The following CCDC7 variants were observed in gnomAD, a reference collection of about 807,000 sequenced individuals.
CCDC7 encodes the protein coiled-coil domain containing 7.
A neutral mutation model predicts 196.9 loss-of-function variants in CCDC7; 183 were observed. The observed-to-expected ratio is 0.93, with a 90% CI of 0.82 to 1.05. CCDC7 has a LOEUF of 1.05. CCDC7 is among the 50% of genes least tolerant of loss of function. CCDC7 has a pLI of 0.00. For missense variants in CCDC7, 1,540 were observed against 1,482.2 expected, an observed-to-expected ratio of 1.04 and a Z score of -0.64; for synonymous variants, 525 against 484.6, an observed-to-expected ratio of 1.08 and a Z score of -1.10.
chr10:32,511,909 A>G (rs2046281733), intron 9 of CCDC7: 1 of 599,146 alleles, frequency 1.7e-6, no homozygotes. Context: ...ATTTAAAAGT[A>G]TAGGATAAAA....
intron 28 of CCDC7, among the ~76,000 whole-genome samples, chr10:32,774,657 G>A (rs2134159783): frequency 6.6e-6 from 1 of 152,226 alleles, no homozygotes; most frequent in Admixed American, 6.5e-5. Flanking sequence ...TTTTCTAGGG[G>A]AAGTGATGCT....
chr10:32,793,070 C>A (rs1485905542), intron 29 of CCDC7, among the ~76,000 whole-genome samples: 1 of 152,094 alleles, frequency 6.6e-6, no homozygotes, highest in Non-Finnish European at 1.5e-5. Flanking sequence ...TAAAAATACA[C>A]CTTCTTCTTA....
At chr10:32,569,316 T>C (rs753873950) in intron 15 of CCDC7, among the ~76,000 whole-genome samples, 8 of 152,254 alleles carry the variant, frequency 5.3e-5, no homozygotes, top group Non-Finnish European at 1.0e-4. Flanking sequence ...GTTCTTATAG[T>C]AATTTAACTG....
At chr10:32,529,529 T>C (rs1005481114) in intron 11 of CCDC7, among the ~76,000 whole-genome samples, 1 of 152,222 alleles carries the variant, frequency 6.6e-6, no homozygotes, top group African/African-American at 2.4e-5. Flanking sequence ...ATTAGTGATG[T>C]TGAGCATTTT....
intron 41 of CCDC7, among the ~76,000 whole-genome samples, chr10:32,871,789 T>C (rs2136833124): frequency 6.6e-6 from 1 of 152,038 alleles, no homozygotes. Context: ...CCAGAGATTC[T>C]GGTATGTTGT....
At chr10:32,808,070 G>A (rs1272175798) in intron 30 of CCDC7, among the ~76,000 whole-genome samples, 1 of 152,068 alleles carries the variant, frequency 6.6e-6, no homozygotes, top group Non-Finnish European at 1.5e-5. Context: ...CCACACAGTT[G>A]GATGCACCCT....
intron 25 of CCDC7, 132 bp downstream of exon 26, chr10:32,711,862 A>G (rs2080896737): frequency 4.3e-6 from 2 of 461,888 alleles, no homozygotes; most frequent in South Asian, 4.4e-5. Flanking sequence ...ATACTCTAAC[A>G]TAACTCAAGA....
intron 24 of CCDC7, among the ~76,000 whole-genome samples, chr10:32,710,261 G>A (rs2080598772): frequency 6.6e-6 from 1 of 152,066 alleles, no homozygotes; most frequent in African/African-American, 2.4e-5. Flanking sequence ...AATCCCAAAG[G>A]GCTCTCCATT....
intron 29 of CCDC7, among the ~76,000 whole-genome samples, chr10:32,785,144 C>T (rs1268913971): frequency 6.6e-6 from 1 of 152,116 alleles, no homozygotes; most frequent in African/African-American, 2.4e-5. Flanking sequence ...TTATGAAGGA[C>T]ATAAATCCTT....
rs61625076 is a variant in CCDC7 at position 32,477,063 on chromosome 10, AT to A, written c.796+3050del. ...GAGCCAGAATAAAGTCAAACTTAAC[AT>A]TTTTTTTTTATTTCACGAATTGTGC... On this transcript the variant is annotated intron_variant, in intron 8 of 41. Coordinates refer to ENST00000639629, the Ensembl canonical transcript of CCDC7. 1.3e-3 allele frequency among the ~76,000 whole-genome samples: 196 copies of A among 150,130 alleles called. 1 individual carries two copies. The highest frequency in any genetic ancestry group is 4.5e-3 in the African/African-American group (185 of 41,044).
At chr10:32,872,912 T>C (rs908433822) in intron 41 of CCDC7, among the ~76,000 whole-genome samples, 1 of 152,204 alleles carries the variant, frequency 6.6e-6, no homozygotes, top group African/African-American at 2.4e-5. Flanking sequence ...AGATCGGCTG[T>C]TAGTCTGATG....
At chr10:32,831,946 T>A (rs1375898553) in intron 32 of CCDC7, among the ~76,000 whole-genome samples, 1 of 152,202 alleles carries the variant, frequency 6.6e-6, no homozygotes, top group East Asian at 1.9e-4. Flanking sequence ...TGTACATAAT[T>A]CTATGTGCTA....
chr10:32,806,357 C>T (rs2135195049), intron 30 of CCDC7, among the ~76,000 whole-genome samples: 1 of 152,042 alleles, frequency 6.6e-6, no homozygotes, highest in Non-Finnish European at 1.5e-5. Context: ...GAAAGTATGA[C>T]CCATACACAG....
intron 13 of CCDC7, among the ~76,000 whole-genome samples, chr10:32,564,817 T>G (rs1280523765): frequency 6.6e-6 from 1 of 151,814 alleles, no homozygotes; most frequent in Non-Finnish European, 1.5e-5. Context: ...AAAAAGAATC[T>G]ACCTACACTT....
Position 32,473,959 on chromosome 10 carries a change from T to A in CCDC7, c.740-8T>A. 3.1e-6 allele frequency: 5 copies of A among 1,604,082 alleles called. No homozygotes were observed. In the South Asian group the frequency reaches 4.5e-5, roughly 15 times the overall value. ...AAGTTTATAGTGACAAATACACTTTTACTTCAGAATTCTTAGAAGCCCACT... is the reference window on the plus strand; with the variant it reads ...AAGTTTATAGTGACAAATACACTTTAACTTCAGAATTCTTAGAAGCCCACT... On this transcript the variant is annotated splice_polypyrimidine_tract_variant and splice_region_variant and intron_variant, in intron 7 of 41. Transcript: ENST00000639629.
chr10:32,517,839 A>T, intron 9 of CCDC7, 106 bp from the exon 11 acceptor site: 1 of 1,246,238 alleles, frequency 8.0e-7, no homozygotes, highest in Non-Finnish European at 1.1e-6. Flanking sequence ...AAACAGCAGC[A>T]ACTAATTACT....
intron 11 of CCDC7, among the ~76,000 whole-genome samples, chr10:32,525,250 A>G (rs543193571): frequency 7.0e-4 from 107 of 152,280 alleles, no homozygotes; most frequent in African/African-American, 2.4e-3. Flanking sequence ...ATAATAAAAA[A>G]AAAAGAAAAG....
intron 9 of CCDC7, chr10:32,511,772 TC>T: frequency 6.8e-7 from 1 of 1,473,920 alleles, no homozygotes; most frequent in East Asian, 2.3e-5. Context: ...GACTCCAGCC[TC>T]CCGGAAAGCG....
chr10:32,549,936 C>A (rs1466532761), intron 13 of CCDC7, among the ~76,000 whole-genome samples: 2 of 152,006 alleles, frequency 1.3e-5, no homozygotes, highest in African/African-American at 4.8e-5. Context: ...ATTGTTTTTT[C>A]TAGTTCTGTG....
Sources: gnomAD v4.1 joint callset for allele counts (sites outside exome capture counted in the v4.1 genomes callset) on GRCh38, gnomAD v4.1.1 for gene constraint, MANE v1.5 for transcripts, NCBI Gene and HGNC (gene_info 2026-07-23, HGNC 2026-07-21) for gene names.